Variants in CNTN3 observed in about 807,000 individuals in gnomAD.
CNTN3 encodes the protein contactin 3.
A neutral mutation model predicts 119.1 loss-of-function variants in CNTN3; 60 were observed. The observed-to-expected ratio is 0.50, with a 90% confidence interval of 0.41 to 0.62. CNTN3 has a LOEUF of 0.62. Ranked by LOEUF, CNTN3 falls within the 20% of genes least tolerant of loss-of-function variation. CNTN3 has a pLI of 0.00. For missense variants in CNTN3, 1,101 were observed against 1,242.4 expected (o/e 0.89, Z 1.71); for synonymous variants, 450 against 438.7 (o/e 1.03, Z -0.32).
chr3:74,278,647 C>T (rs1701931779), intron 20 of CNTN3, among the ~76,000 whole-genome samples: 1 of 152,052 alleles, frequency 6.6e-6, no homozygotes, highest in Admixed American at 6.6e-5. Flanking sequence ...CCTGAAACTA[C>T]AAAAATTCTA....
intron 5 of CNTN3, among the ~76,000 whole-genome samples, chr3:74,388,750 C>T (rs2106824383): frequency 6.6e-6 from 1 of 152,284 alleles, no homozygotes; most frequent in African/African-American, 2.4e-5. Flanking sequence ...GCCTTTACAA[C>T]TTCAACAAAG....
rs540653067 is a variant in CNTN3 at position 74,608,826 on chromosome 3, C to A, written c.-81+5565G>T. 4.6e-5 allele frequency among the ~76,000 whole-genome samples: 7 copies of A among 152,220 alleles called. No homozygotes were observed. The South Asian group carries it at 1.2e-3, about 27-fold the overall frequency. On this transcript the variant is annotated intron_variant, in intron 1 of 22. Transcript: ENST00000263665. ...ACTATCAGGAAAAGCAGATATTAAA[C>A]AATTTTACAATATTAATTAGATTAT...
chr3:74,510,061 G>A (rs1457391720), intron 2 of CNTN3, among the ~76,000 whole-genome samples: 1 of 122,012 alleles, frequency 8.2e-6, no homozygotes, highest in Non-Finnish European at 1.8e-5. Context: ...ATATATATAT[G>A]AAAACTTAGT....
At chr3:74,553,823 C>T (rs780007952) in intron 1 of CNTN3, among the ~76,000 whole-genome samples, 11 of 152,040 alleles carry the variant, frequency 7.2e-5, no homozygotes, top group African/African-American at 1.4e-4. Context: ...ATTAGCCCTC[C>T]GTCAGATGGA....
At position 74,347,134 on chromosome 3, in the gene CNTN3, T is replaced by G. The variant is rs1221293776; in HGVS notation, c.1365-10476A>C. Among the ~76,000 whole-genome samples, 3 of 152,184 alleles carry G rather than the reference T, an allele frequency of 2.0e-5. No homozygotes were observed. The East Asian group carries it at 5.8e-4, about 29-fold the overall frequency. ...GCCAAGTTGGGAGCTGTATAATTCA[T>G]GCACAACAAACATAAAATGTGATCA... On this transcript the variant is annotated intron_variant, in intron 11 of 22. Transcript: ENST00000263665.
chr3:74,572,680 A>G (rs1444662487), intron 1 of CNTN3, among the ~76,000 whole-genome samples: 1 of 152,170 alleles, frequency 6.6e-6, no homozygotes, highest in Non-Finnish European at 1.5e-5. Flanking sequence ...TAACTTTTGG[A>G]TTTTATTAAA....
At chr3:74,470,239 T>C (rs1702535449) in intron 4 of CNTN3, among the ~76,000 whole-genome samples, 2 of 152,074 alleles carry the variant, frequency 1.3e-5, no homozygotes. Flanking sequence ...GGTATGATAA[T>C]AACTCTCTAA....
intron 1 of CNTN3, among the ~76,000 whole-genome samples, chr3:74,555,952 C>T (rs1001854027): frequency 1.3e-5 from 2 of 152,090 alleles, no homozygotes; most frequent in African/African-American, 4.8e-5. Flanking sequence ...TGAAAATTAA[C>T]AATACGGTGT....
At chr3:74,526,545 C>T (rs1195177315) in intron 1 of CNTN3, among the ~76,000 whole-genome samples, 4 of 151,824 alleles carry the variant, frequency 2.6e-5, no homozygotes, top group African/African-American at 7.2e-5. Flanking sequence ...CCCTGCCTCC[C>T]TCCTGCCGAA....
At chr3:74,455,959 C>A (rs1477613865) in intron 4 of CNTN3, among the ~76,000 whole-genome samples, 1 of 152,020 alleles carries the variant, frequency 6.6e-6, no homozygotes, top group Non-Finnish European at 1.5e-5. Context: ...GTCTGGAGAA[C>A]CACATTGAAA....
At chr3:74,492,353 C>CTGGG (rs1385894467) in intron 3 of CNTN3, among the ~76,000 whole-genome samples, 1 of 152,154 alleles carries the variant, frequency 6.6e-6, no homozygotes, top group Non-Finnish European at 1.5e-5. Context: ...TACTGGCCTA[C>CTGGG]TTAAGGGAGC....
intron 4 of CNTN3, among the ~76,000 whole-genome samples, chr3:74,483,370 C>G (rs751234480): frequency 6.6e-6 from 1 of 152,052 alleles, no homozygotes; most frequent in Non-Finnish European, 1.5e-5. Flanking sequence ...CAGTACCAAA[C>G]AAAGAAAATG....
intron 4 of CNTN3, among the ~76,000 whole-genome samples, chr3:74,430,834 A>T (rs935362077): frequency 1.9e-4 from 29 of 152,250 alleles, no homozygotes; most frequent in Admixed American, 5.9e-4. Context: ...GCAAGCAAAG[A>T]TAAAGTCCAG....
intron 1 of CNTN3, among the ~76,000 whole-genome samples, chr3:74,583,625 CT>C: frequency 6.6e-6 from 1 of 152,268 alleles, no homozygotes; most frequent in Middle Eastern, 3.4e-3. Flanking sequence ...GAATGCAAGT[CT>C]TGTATACCTT....
chr3:74,394,363 C>T (rs1170561997), intron 5 of CNTN3, among the ~76,000 whole-genome samples: 1 of 152,106 alleles, frequency 6.6e-6, no homozygotes. Context: ...GATTTTGAAG[C>T]AGTGTATTAT....
chr3:74,358,581 CT>C (rs1278876442), intron 11 of CNTN3, among the ~76,000 whole-genome samples: 244 of 130,876 alleles, frequency 1.9e-3, no homozygotes, highest in Non-Finnish European at 2.0e-3. Flanking sequence ...GAAGTGTATT[CT>C]TTTTTTTTTT....
intron 13 of CNTN3, among the ~76,000 whole-genome samples, chr3:74,324,010 T>C (rs1460185202): frequency 6.6e-6 from 1 of 152,072 alleles, no homozygotes; most frequent in Non-Finnish European, 1.5e-5. Flanking sequence ...TTTCAGAGAT[T>C]TAAAAAAAAC....
chr3:74,442,854 G>T lies in CNTN3; in HGVS notation c.359-17914C>A, dbSNP rs551508085. Reference sequence around the variant, plus strand: ...TTTTCTCTGTTTTGGAGATGAAACTGTTGCATAATCACATCAGGTGACTTG... The same window carrying T: ...TTTTCTCTGTTTTGGAGATGAAACTTTTGCATAATCACATCAGGTGACTTG... On this transcript the variant is annotated intron_variant, in intron 4 of 22. Coordinates refer to ENST00000263665, the MANE Select transcript of CNTN3 (RefSeq NM_020872.3). Among the ~76,000 whole-genome samples, 6 of 152,294 alleles carry T rather than the reference G, an allele frequency of 3.9e-5. No homozygotes were observed. The South Asian group carries it at 1.2e-3, about 32-fold the overall frequency.
intron 11 of CNTN3, among the ~76,000 whole-genome samples, chr3:74,340,111 A>T (rs929392218): frequency 3.3e-5 from 5 of 152,168 alleles, no homozygotes; most frequent in African/African-American, 1.2e-4. Flanking sequence ...ACATATTAGT[A>T]GGTATTGTAA....
Sources: allele counts gnomAD v4.1 joint callset (sites outside exome capture counted in the v4.1 genomes callset), GRCh38; gene constraint gnomAD v4.1.1; transcripts MANE v1.5; gene names NCBI Gene and HGNC (gene_info 2026-07-23, HGNC 2026-07-21).